Variants in EPAS1 observed in about 807,000 individuals in gnomAD.
EPAS1 encodes the protein endothelial PAS domain-containing protein 1.
In EPAS1, 23 loss-of-function variants were observed where a neutral mutation model predicts 87.9. The observed-to-expected ratio is 0.26, with a 90% CI of 0.19 to 0.37. EPAS1 has a LOEUF of 0.37. EPAS1 is among the 10% of genes least tolerant of loss of function. EPAS1 has a pLI of 1.00. For synonymous variants in EPAS1, 508 were observed against 444.3 expected (o/e 1.14, Z -1.80); for missense variants, 1,138 against 1,120.7 (o/e 1.02, Z -0.22).
At chr2:46,381,356 A>T in intron 12 of EPAS1, 1 of 589,430 alleles carries the variant, frequency 1.7e-6, no homozygotes, top group South Asian at 1.9e-5. Context: ...AACATTGCCC[A>T]GCCAGGCAGC....
chr2:46,309,967 G>C (rs956024724), intron 1 of EPAS1, among the ~76,000 whole-genome samples: 19 of 152,214 alleles, frequency 1.2e-4, no homozygotes, highest in Non-Finnish European at 1.5e-4. Context: ...GGTTGGAGGA[G>C]GCCATGATTT....
chr2:46,383,276 G>T (rs894117293), intron 15 of EPAS1, among the ~76,000 whole-genome samples: 1 of 152,208 alleles, frequency 6.6e-6, no homozygotes, highest in Admixed American at 6.5e-5. Context: ...ACTTCCTTCA[G>T]GTAGAACAGC....
chr2:46,304,481 A>T (rs908954638), intron 1 of EPAS1, among the ~76,000 whole-genome samples: 2 of 152,180 alleles, frequency 1.3e-5, no homozygotes, highest in African/African-American at 4.8e-5. Flanking sequence ...ATAAATGACA[A>T]CTGCCTTTGT....
chr2:46,338,251 C>T (rs1683837289), intron 1 of EPAS1, among the ~76,000 whole-genome samples: 1 of 152,186 alleles, frequency 6.6e-6, no homozygotes, highest in African/African-American at 2.4e-5. Flanking sequence ...GAGTGATACA[C>T]CTGCTCTGCA....
chr2:46,353,071 G>T (rs907609743), intron 2 of EPAS1, among the ~76,000 whole-genome samples: 5 of 152,220 alleles, frequency 3.3e-5, no homozygotes, highest in African/African-American at 1.2e-4. Context: ...TGAGATCAAA[G>T]AAATTGAAGA....
chr2:46,381,855 G>T, intron 13 of EPAS1, 120 bp from the exon 14 acceptor site: 1 of 1,543,212 alleles, frequency 6.5e-7, no homozygotes, highest in Non-Finnish European at 8.8e-7. Context: ...GAGAGGGGTG[G>T]GGATGTGGCC....
intron 1 of EPAS1, among the ~76,000 whole-genome samples, chr2:46,299,860 G>C (rs988632967): frequency 3.3e-5 from 5 of 152,232 alleles, no homozygotes; most frequent in Non-Finnish European, 5.9e-5. Flanking sequence ...CGGGAAGAAC[G>C]TTGCGTAATT....
At chr2:46,370,991 C>A (rs1382317746) in intron 7 of EPAS1, among the ~76,000 whole-genome samples, 1 of 152,174 alleles carries the variant, frequency 6.6e-6, no homozygotes, top group Non-Finnish European at 1.5e-5. Context: ...GGGCTCATAT[C>A]TTTAACCTCA....
chr2:46,335,886 G>A (rs1363416171), intron 1 of EPAS1: 1 of 152,222 alleles, frequency 6.6e-6, no homozygotes, highest in East Asian at 1.9e-4. Context: ...CTTGGCGGGT[G>A]TTAGAACAGC....
intron 1 of EPAS1, among the ~76,000 whole-genome samples, chr2:46,330,243 C>CA (rs1288264616): frequency 6.6e-6 from 1 of 152,210 alleles, no homozygotes; most frequent in Non-Finnish European, 1.5e-5. Context: ...CCCATTCCCA[C>CA]AGAGATCTGG....
chr2:46,305,829 G>A (rs1243895125), intron 1 of EPAS1, among the ~76,000 whole-genome samples: 1 of 152,144 alleles, frequency 6.6e-6, no homozygotes, highest in Admixed American at 6.5e-5. Flanking sequence ...CAAACACGTG[G>A]GCAGGAAAGT....
At chr2:46,331,598 G>A (rs1039595956) in intron 1 of EPAS1, among the ~76,000 whole-genome samples, 8 of 152,186 alleles carry the variant, frequency 5.3e-5, no homozygotes, top group Middle Eastern at 3.2e-3. Flanking sequence ...GCCATCAGAC[G>A]TCACTCCAAT....
intron 11 of EPAS1, among the ~76,000 whole-genome samples, chr2:46,379,407 C>T (rs1254330324): frequency 6.6e-6 from 1 of 152,148 alleles, no homozygotes; most frequent in African/African-American, 2.4e-5. Context: ...TTTCTTGATC[C>T]TACTTGGCAC....
In EPAS1 at chr2:46,346,276, C is replaced by T. The variant is rs145397857; in HGVS notation, c.27-597C>T. On this transcript the variant is annotated intron_variant, in intron 1 of 15. Transcript: ENST00000263734. The surrounding 1 kb of genome is among the most constrained non-coding windows in gnomAD (Gnocchi z 4.0). ...CCTTTTTAATCCTTGACAGAACGCACGTTGGTACTCTAGACTGTTGGGTGT... is the reference window on the plus strand; with the variant it reads ...CCTTTTTAATCCTTGACAGAACGCATGTTGGTACTCTAGACTGTTGGGTGT... 3.3e-5 allele frequency among the ~76,000 whole-genome samples: 5 copies of T among 152,316 alleles called. No individual in the cohort carries two copies. Among genetic ancestry groups the T allele is most frequent in the South Asian group, 2.1e-4 (1 of 4,820 alleles).
In EPAS1 at chr2:46,382,538, C is replaced by A. The variant is rs1265031766; in HGVS notation, c.2401C>A (p.Pro801Thr). 2 of 1,614,174 alleles carry A rather than the reference C, an allele frequency of 1.2e-6. No individual in the cohort carries two copies. Among genetic ancestry groups the A allele is most frequent in the Admixed American group, 3.3e-5 (2 of 60,034 alleles). Residue 801 changes from proline to threonine, a missense_variant, in exon 15 of 16, where the codon CCA becomes ACA. Coordinates refer to ENST00000263734, the MANE Select transcript of EPAS1 (RefSeq NM_001430.5). ...GGAGAACAGCAAGAGCAGGTTCCCCCCACAGTGCTACGCCACCCAGTACCA... is the reference window on the plus strand; with the variant it reads ...GGAGAACAGCAAGAGCAGGTTCCCCACACAGTGCTACGCCACCCAGTACCA... ...PGENSKSRFP[P>T]QCYATQYQDY...
intron 4 of EPAS1, among the ~76,000 whole-genome samples, chr2:46,357,869 G>A (rs1001974163): frequency 1.3e-5 from 2 of 152,246 alleles, no homozygotes; most frequent in South Asian, 2.1e-4. Flanking sequence ...TTCCTGTCTT[G>A]TAACTGTGGC....
In EPAS1 at chr2:46,375,967, T is replaced by C. The variant is rs903148144; in HGVS notation, c.1034+130T>C. 24 of 1,236,956 alleles carry C rather than the reference T, an allele frequency of 1.9e-5. No homozygotes were observed. The highest frequency in any genetic ancestry group is 1.4e-4 in the Admixed American group (8 of 57,422). 76.6% of individuals were successfully genotyped at this position (1,236,956 alleles called of 1,614,324 possible). ...CCTGGGCACCACCTCAGGGAGGTCT[T>C]GCAGGGCTAACCCTAGTGACTGAGA... On this transcript the variant is annotated intron_variant, in intron 8 of 15. Coordinates refer to ENST00000263734, the MANE Select transcript of EPAS1 (RefSeq NM_001430.5). This position sits in a 1 kb window ranked among gnomAD's most constrained non-coding sequence, Gnocchi z 4.1.
chr2:46,314,880 G>C (rs900923651), intron 1 of EPAS1, among the ~76,000 whole-genome samples: 2 of 152,186 alleles, frequency 1.3e-5, no homozygotes, highest in East Asian at 3.9e-4. Context: ...GGTGGGCTGG[G>C]GTACGAGAAG....
At chr2:46,310,829 C>T (rs1026258677) in intron 1 of EPAS1, among the ~76,000 whole-genome samples, 18 of 152,246 alleles carry the variant, frequency 1.2e-4, no homozygotes, top group African/African-American at 4.1e-4. Flanking sequence ...GGCTATATAA[C>T]TCCTGAGTAC....
Sources: allele counts gnomAD v4.1 joint callset (sites outside exome capture counted in the v4.1 genomes callset), GRCh38; gene constraint gnomAD v4.1.1; non-coding constraint Gnocchi (gnomAD v3.1); transcripts MANE v1.5; gene names NCBI Gene and HGNC (gene_info 2026-07-23, HGNC 2026-07-21).